Variants in TNN observed in about 807,000 individuals in gnomAD.
TNN encodes the protein tenascin N, also known as tenascin-N.
Under a neutral mutation model 134.4 loss-of-function variants are expected in TNN, and 122 were observed. The ratio of observed to expected loss-of-function variants is 0.91; its 90% confidence interval spans 0.78 to 1.06. TNN has a LOEUF of 1.06. Ranked by LOEUF, TNN falls within the 50% of genes least tolerant of loss-of-function variation. The pLI, the probability that TNN is intolerant of heterozygous loss-of-function variation, is 0.00. For synonymous variants in TNN, 710 were observed against 670.3 expected (o/e 1.06, Z -0.91); for missense variants, 1,739 against 1,699.4 (o/e 1.02, Z -0.41).
intron 9 of TNN, among the ~76,000 whole-genome samples, chr1:175,112,247 A>AT (rs906427902): frequency 9.6e-5 from 13 of 135,382 alleles, no homozygotes; most frequent in East Asian, 3.9e-4. Context: ...TTGAGATGAT[A>AT]TTTTTTTTTA....
At position 175,077,749 on chromosome 1, in the gene TNN, C is replaced by A. The variant is rs750330740; in HGVS notation, c.331C>A (p.Arg111=). 1.2e-6 allele frequency: 2 copies of A among 1,614,168 alleles called. No homozygotes were observed. The highest frequency in any genetic ancestry group is 1.7e-6 in the Non-Finnish European group (2 of 1,180,016). ...AGGCAGTGTCCAGGACCTCCTGGCC[C>A]GGGTGAAGAAGCTGGAGGAAGAGAT... ...LAGSVQDLLA[R]VKKLEEEMVE... is the part of the protein sequence containing the mutation. Residue 111 remains arginine, a synonymous_variant, in exon 2 of 19, where the codon CGG becomes AGG. Transcript: ENST00000239462.
At chr1:175,074,773 C>T in intron 1 of TNN, among the ~76,000 whole-genome samples, 1 of 152,164 alleles carries the variant, frequency 6.6e-6, no homozygotes, top group East Asian at 1.9e-4. Context: ...GTGTCACATC[C>T]CTTGGGTACA....
intron 6 of TNN, among the ~76,000 whole-genome samples, chr1:175,093,308 A>T (rs377285943): frequency 6.6e-6 from 1 of 152,198 alleles, no homozygotes. Context: ...TGGGCTCAGG[A>T]TATGTTCTTG....
chr1:175,077,789 A>G lies in TNN; in HGVS notation c.371A>G (p.Glu124Gly). ...KLEEEMVEMK[E>G]QCSAQRCCQG... ...GAGGAAGAGATGGTGGAGATGAAGG[A>G]ACAGTGTAGTGCCCAGCGCTGCTGC... Residue 124 changes from glutamate to glycine, a missense_variant, in exon 2 of 19, where the codon GAA (glutamate) becomes GGA (glycine). Transcript: ENST00000239462. The G allele has an allele frequency of 6.2e-7, 1 of 1,614,202 alleles. No homozygotes were observed. The highest frequency in any genetic ancestry group is 8.5e-7 in the Non-Finnish European group (1 of 1,180,024).
In TNN at chr1:175,136,868, G is replaced by A; in HGVS notation, c.3475G>A (p.Glu1159Lys). ...NLTTGTPARYEVRVDLQTANE... is the reference protein window; with the variant it reads ...NLTTGTPARYKVRVDLQTANE... ...CACCACCGGCACTCCAGCGCGGTAT[G>A]AGGTGAGAGTGGATTTACAGACTGC... Residue 1159 changes from glutamate (E) to lysine (K), a missense_variant, in exon 17 of 19, where the codon GAG becomes AAG. By Grantham distance (56) the Glu-to-Lys change is moderately conservative. Coordinates refer to ENST00000239462, the MANE Select transcript of TNN (RefSeq NM_022093.2). The A allele has an allele frequency of 6.2e-7, 1 of 1,614,204 alleles. No individual in the cohort carries two copies. The highest frequency in any genetic ancestry group is 1.1e-5 in the South Asian group (1 of 91,078).
At chr1:175,088,302 C>T (rs1205664826) in intron 6 of TNN, among the ~76,000 whole-genome samples, 1 of 152,188 alleles carries the variant, frequency 6.6e-6, no homozygotes, top group African/African-American at 2.4e-5. Flanking sequence ...CAACCCCTTA[C>T]AGCAGTCATC....
At chr1:175,071,556 A>G (rs1328726742) in intron 1 of TNN, among the ~76,000 whole-genome samples, 1 of 152,182 alleles carries the variant, frequency 6.6e-6, no homozygotes, top group Non-Finnish European at 1.5e-5. Flanking sequence ...AGAGGAAGTA[A>G]CCCTCTCTTA....
At chr1:175,091,082 T>G (rs1674434432) in intron 6 of TNN, among the ~76,000 whole-genome samples, 1 of 152,186 alleles carries the variant, frequency 6.6e-6, no homozygotes, top group African/African-American at 2.4e-5. Flanking sequence ...TAGAAAGAGG[T>G]TTCAGTCCTG....
rs186304648 is a variant in TNN at position 175,099,986 on chromosome 1, G to A, written c.2119+1391G>A. ...GACAGCTTCCCAGGCCTACCTTGCTGTGCTAGGCCCAAGTCTGGTCCATGG... is the reference window on the plus strand; with the variant it reads ...GACAGCTTCCCAGGCCTACCTTGCTATGCTAGGCCCAAGTCTGGTCCATGG... On this transcript the variant is annotated intron_variant, in intron 9 of 18. Transcript: ENST00000239462. Among the ~76,000 whole-genome samples the A allele has an allele frequency of 9.3e-4, 142 of 152,268 alleles. 1 individual carries two copies. The highest frequency in any genetic ancestry group is 3.3e-3 in the African/African-American group (136 of 41,548).
intron 7 of TNN, among the ~76,000 whole-genome samples, 194 bp from the exon 8 acceptor site, chr1:175,097,223 T>G (rs543210510): frequency 6.6e-6 from 1 of 152,368 alleles, no homozygotes; most frequent in South Asian, 2.1e-4. Flanking sequence ...AAAACTCCAC[T>G]TCTTATTAAA....
intron 12 of TNN, among the ~76,000 whole-genome samples, chr1:175,125,627 TTCTC>T (rs1219991317): frequency 6.9e-6 from 1 of 144,064 alleles, no homozygotes; most frequent in Non-Finnish European, 1.5e-5. Flanking sequence ...CTCTCTCCCT[TTCTC>T]TCTTCTTTTC....
intron 1 of TNN, among the ~76,000 whole-genome samples, chr1:175,068,709 C>T (rs1673851721): frequency 6.6e-6 from 1 of 152,068 alleles, no homozygotes; most frequent in African/African-American, 2.4e-5. Context: ...GAGTTCGAGA[C>T]CAGCCTGACC....
At chr1:175,100,279 C>A (rs377599961) in intron 9 of TNN, among the ~76,000 whole-genome samples, 1 of 152,204 alleles carries the variant, frequency 6.6e-6, no homozygotes, top group African/African-American at 2.4e-5. Flanking sequence ...ATGTCTCCCC[C>A]TATCCCACAC....
intron 11 of TNN, among the ~76,000 whole-genome samples, chr1:175,121,341 T>C (rs564895860): frequency 6.6e-6 from 1 of 152,218 alleles, no homozygotes; most frequent in Non-Finnish European, 1.5e-5. Context: ...GAATAGTACC[T>C]GGGATGGTTG....
intron 12 of TNN, 100 bp from the exon 13 acceptor site, chr1:175,126,854 TG>T: frequency 7.6e-7 from 1 of 1,314,152 alleles, no homozygotes; most frequent in Non-Finnish European, 1.0e-6. Context: ...GGAGGAGAAA[TG>T]GGAGGGTTTG....
intron 17 of TNN, among the ~76,000 whole-genome samples, chr1:175,139,794 C>T (rs1675902854): frequency 6.6e-6 from 1 of 152,224 alleles, no homozygotes; most frequent in Admixed American, 6.5e-5. Context: ...ACCACAAACA[C>T]ATGAGTGATG....
At chr1:175,084,764 C>G (rs994648624) in intron 5 of TNN, among the ~76,000 whole-genome samples, 3 of 152,210 alleles carry the variant, frequency 2.0e-5, no homozygotes, top group African/African-American at 7.2e-5. Flanking sequence ...CTGCATTTTA[C>G]CACCACAGTC....
chr1:175,075,128 T>C (rs1674011041), intron 1 of TNN, among the ~76,000 whole-genome samples: 1 of 152,256 alleles, frequency 6.6e-6, no homozygotes, highest in African/African-American at 2.4e-5. Context: ...TTCTTCTTCT[T>C]CTTTTATTCT....
Position 175,072,926 on chromosome 1 carries a change from CTTTTTTTTTTTT to C in TNN, c.-35-4445_-35-4434del, listed in dbSNP as rs60879960. 2.0e-3 allele frequency among the ~76,000 whole-genome samples: 95 copies of C among 46,778 alleles called. 1 individual carries two copies. Among genetic ancestry groups the C allele is most frequent in the African/African-American group, 8.6e-3 (88 of 10,262 alleles). 30.7% of individuals were successfully genotyped at this position (46,778 alleles called of 152,430 possible). A position where few individuals can be genotyped will look rare whatever the true frequency, so the allele number is the denominator to read the frequency against. ...TGTGGTTGATGGCAAGAGTCCACGG[CTTTTTTTTTTTT>C]TTTTTTTTTTTTGCTTTCGTTGAGA... On this transcript the variant is annotated intron_variant, in intron 1 of 18. Transcript: ENST00000239462.
Sources: gnomAD v4.1 joint callset for allele counts (sites outside exome capture counted in the v4.1 genomes callset) on GRCh38, gnomAD v4.1.1 for gene constraint, MANE v1.5 for transcripts, NCBI Gene and HGNC (gene_info 2026-07-23, HGNC 2026-07-21) for gene names.